The following AARS2 variants were observed in gnomAD, a reference collection of about 807,000 sequenced individuals.
AARS2 encodes alanine--tRNA ligase, mitochondrial.
A neutral mutation model predicts 119.7 loss-of-function variants in AARS2; 78 were observed. The ratio of observed to expected loss-of-function variants is 0.65; its 90% CI spans 0.54 to 0.79. The LOEUF (loss-of-function observed/expected upper bound fraction) is 0.79. Among genes scored for constraint, AARS2 ranks in the 30% least tolerant of loss-of-function variants. The pLI is 0.00. For missense variants in AARS2, 1,157 were observed against 1,291.3 expected (o/e 0.90, Z 1.59); for synonymous variants, 502 against 526.3 (o/e 0.95, Z 0.63).
At chr6:44,311,214 A>C (rs1281460645) in intron 3 of AARS2, 53 bp from the exon 4 acceptor site, 1 of 1,608,268 alleles carries the variant, frequency 6.2e-7, no homozygotes, top group Non-Finnish European at 8.5e-7. Context: ...AGAAGCTGGG[A>C]CTCTCTCTGC....
chr6:44,307,857 G>A lies in AARS2; in HGVS notation c.895-463C>T, dbSNP rs1185406202. 6.6e-6 allele frequency among the ~76,000 whole-genome samples: 1 copy of A among 152,180 alleles called. No homozygotes were observed. Among genetic ancestry groups the A allele is most frequent in the Non-Finnish European group, 1.5e-5 (1 of 68,028 alleles). ...TTCTTGCCTCTCCCATCTTTTGTGG[G>A]GGTGGGCAGGGAGGGAGAGTGTAAG... On this transcript the variant is annotated intron_variant, in intron 5 of 21. Transcript: ENST00000244571. The surrounding 1 kb of genome is among the most constrained non-coding windows in gnomAD (Gnocchi z 4.4).
At position 44,304,126 on chromosome 6, in the gene AARS2, C is replaced by T. The variant is rs1462902331; in HGVS notation, c.2007+55G>A. ...GGGCAACCCGCTCACAGCAGGCTGT[C>T]TCTCTTTTATGCCTGTCACCTCACA... On this transcript the variant is annotated intron_variant, in intron 14 of 21. Transcript: ENST00000244571. 27 of 1,609,966 alleles carry T rather than the reference C, an allele frequency of 1.7e-5. No homozygotes were observed. In the Admixed American group the frequency reaches 2.5e-4, roughly 15 times the overall value.
At position 44,302,888 on chromosome 6, in the gene AARS2, C is replaced by T. The variant is rs544243571; in HGVS notation, c.2278G>A (p.Val760Ile). The change falls in exon 17 of 22, where the codon GTA (valine) becomes ATA (isoleucine). Residue 760 changes from valine to isoleucine, a missense_variant. Val to Ile is a conservative substitution (Grantham distance 29). Coordinates refer to ENST00000244571, the MANE Select transcript of AARS2 (RefSeq NM_020745.4). ...TCCCCGATGATAACCAGGTCCCCTA[C>T]AGCCCCAGTACGTAACAGGTGCCTG... The part of the protein sequence containing the change: ...CGTHLLRTGA[V>I]GDLVIIGDRQ... 3 of 1,614,054 alleles carry T rather than the reference C, an allele frequency of 1.9e-6. No individual in the cohort carries two copies. Among genetic ancestry groups the T allele is most frequent in the African/African-American group, 2.7e-5 (2 of 74,942 alleles).
chr6:44,300,394 G>C lies in AARS2; in HGVS notation c.*153C>G. 9.2e-7 allele frequency: 1 copy of C among 1,083,266 alleles called. No homozygotes were observed. The highest frequency in any genetic ancestry group is 1.4e-6 in the Non-Finnish European group (1 of 721,116). 67.1% of individuals were successfully genotyped at this position (1,083,266 alleles called of 1,614,324 possible). ...CCTTCCCTAGCCCATGTCTCCTTGT[G>C]TCACGTAGGCCCTGGCCCAGGTGAT... On this transcript the variant is annotated 3_prime_UTR_variant, in exon 22 of 22. Transcript: ENST00000244571.
At chr6:44,309,339 C>T (rs1370132637) in intron 5 of AARS2, among the ~76,000 whole-genome samples, 7 of 152,216 alleles carry the variant, frequency 4.6e-5, no homozygotes, top group Non-Finnish European at 8.8e-5. Flanking sequence ...AATGAGCTCA[C>T]ACAAGACCAA....
Position 44,313,324 on chromosome 6 carries a change from C to G in AARS2, c.-1G>C, listed in dbSNP as rs369453852. Reference sequence around the variant, plus strand: ...CTGCAGCTGCCACTGACGCTGCCATCGTAGCTCCGGGCAGTGACTTTACGT... The same window carrying G: ...CTGCAGCTGCCACTGACGCTGCCATGGTAGCTCCGGGCAGTGACTTTACGT... On this transcript the variant is annotated 5_prime_UTR_variant, in exon 1 of 22. Transcript: ENST00000244571. 416 of 1,600,900 alleles carry G rather than the reference C, an allele frequency of 2.6e-4. No homozygotes were observed. The African/African-American group carries it at 4.8e-3, about 18-fold the overall frequency.
At position 44,304,426 on chromosome 6, in the gene AARS2, C is replaced by T. The variant is rs1317704083; in HGVS notation, c.1860G>A (p.Val620=). The T allele has an allele frequency of 6.2e-7, 1 of 1,614,162 alleles. No homozygotes were observed. Residue 620 remains valine, a synonymous_variant, in exon 13 of 22, where the codon GTG becomes GTA. Transcript: ENST00000244571. ...AGTTAGGGAGGATCCTTACCTCATCCACATGCAGCTGCACCTGGTCCCCTA... is the reference window on the plus strand; with the variant it reads ...AGTTAGGGAGGATCCTTACCTCATCTACATGCAGCTGCACCTGGTCCCCTA... The part of the protein sequence containing the change: ...LRLGDQVQLH[V]DEAWRLGCMA...
chr6:44,302,524 G>T lies in AARS2; in HGVS notation c.2365-11C>A, dbSNP rs567232000. The T allele has an allele frequency of 1.2e-4, 193 of 1,613,944 alleles. 2 individuals carry two copies. The South Asian group carries it at 1.9e-3, about 16-fold the overall frequency. On this transcript the variant is annotated splice_polypyrimidine_tract_variant and intron_variant, in intron 17 of 21. Transcript: ENST00000244571. ...GCCTAGCTCTCGGGCCTGCAGGGAGGGGACAGGAGGGTCAGGATTACATTC... is the reference window on the plus strand; with the variant it reads ...GCCTAGCTCTCGGGCCTGCAGGGAGTGGACAGGAGGGTCAGGATTACATTC...
chr6:44,310,634 A>C (rs937262413), intron 4 of AARS2, among the ~76,000 whole-genome samples, 191 bp from the exon 5 acceptor site: 2 of 152,216 alleles, frequency 1.3e-5, no homozygotes, highest in South Asian at 4.1e-4. Context: ...CCTTCCTCAT[A>C]TAGGGCTATT....
In AARS2 at chr6:44,304,445, TCCCCTAA is replaced by T. The variant is rs1483424237; in HGVS notation, c.1834_1840del (p.Leu612ThrfsTer13). ...CTCATCCACATGCAGCTGCACCTGG[TCCCCTAA>T]CCGCAGGCACTCAGGGGCTACTGCC... On this transcript the variant is annotated frameshift_variant, in exon 13 of 22. Transcript: ENST00000244571. LOFTEE classifies it high-confidence loss of function. 6.2e-7 allele frequency: 1 copy of T among 1,614,108 alleles called. No individual in the cohort carries two copies. Among genetic ancestry groups the T allele is most frequent in the South Asian group, 1.1e-5 (1 of 91,078 alleles).
At chr6:44,302,751 G>A (rs774053095) in intron 17 of AARS2, 51 bp downstream of exon 17, 4 of 1,560,118 alleles carry the variant, frequency 2.6e-6, no homozygotes, top group Non-Finnish European at 2.6e-6. Context: ...ACCTGCGTGT[G>A]TCCCATGCAC....
rs565956631 is a variant in AARS2 at position 44,304,968 on chromosome 6, T to C, written c.1579+86A>G. 53 of 1,610,922 alleles carry C rather than the reference T, an allele frequency of 3.3e-5. 1 individual carries two copies. In the South Asian group the frequency reaches 4.6e-4, roughly 14 times the overall value. ...CCTGGTGGCCATCCTGGGGAATACATAGGGGCTAGCAGCAACCATCTTGGA... is the reference window on the plus strand; with the variant it reads ...CCTGGTGGCCATCCTGGGGAATACACAGGGGCTAGCAGCAACCATCTTGGA... On this transcript the variant is annotated intron_variant, in intron 11 of 21. Coordinates refer to ENST00000244571, the MANE Select transcript of AARS2 (RefSeq NM_020745.4).
chr6:44,310,173 A>T, intron 5 of AARS2, 126 bp downstream of exon 5: 1 of 1,325,488 alleles, frequency 7.5e-7, no homozygotes. Context: ...ACGTCTTGGA[A>T]TTCTTGGTTG....
Position 44,307,572 on chromosome 6 carries a change from C to G in AARS2, c.895-178G>C. The G allele has an allele frequency of 1.4e-6, 1 of 739,102 alleles. No homozygotes were observed. The highest frequency in any genetic ancestry group is 1.8e-5 in the South Asian group (1 of 55,816). 45.8% of individuals were successfully genotyped at this position (739,102 alleles called of 1,614,324 possible). On this transcript the variant is annotated intron_variant, in intron 5 of 21. Transcript: ENST00000244571. The surrounding 1 kb of genome is among the most constrained non-coding windows in gnomAD (Gnocchi z 4.4). ...GAGCACAAGCCAGGCCCTGCCCTCA[C>G]GGGGCTCATATTTGGTGCTACAAGT...
rs562829310 is a variant in AARS2 at position 44,313,284 on chromosome 6, GCCGCAGCCT to G, written c.31_39del (p.Leu12_Arg14del). 309 of 1,598,626 alleles carry G rather than the reference GCCGCAGCCT, an allele frequency of 1.9e-4. No homozygotes were observed. The African/African-American group carries it at 3.8e-3, about 20-fold the overall frequency. ...CATGCGGGCGACCTTCGAATGGCCC[GCCGCAGCCT>G]CCGGGCTGCAGCTGCCACTGACGCT... On this transcript the variant is annotated inframe_deletion, in exon 1 of 22. Coordinates refer to ENST00000244571, the MANE Select transcript of AARS2 (RefSeq NM_020745.4).
chr6:44,311,432 A>G lies in AARS2; in HGVS notation c.539T>C (p.Leu180Pro), dbSNP rs2153357304. 6.2e-7 allele frequency: 1 copy of G among 1,614,174 alleles called. No individual in the cohort carries two copies. Among genetic ancestry groups the G allele is most frequent in the Non-Finnish European group, 8.5e-7 (1 of 1,180,020 alleles). ...GTCCCTGGTCTCCAGGTCTGGGTCC[A>G]GCCCTGCCTTGGGGTCACCATCAAA... is the stretch of plus-strand genomic sequence containing the variant. The part of the protein sequence containing the change: ...SYFDGDPKAG[L>P]DPDLETRDIW... Residue 180 changes from leucine (L) to proline (P), a missense_variant, in exon 3 of 22, where the codon CTG becomes CCG. Leu to Pro is a moderately conservative substitution (Grantham distance 98). Transcript: ENST00000244571.
chr6:44,309,395 A>T (rs1047427853), intron 5 of AARS2, among the ~76,000 whole-genome samples: 1 of 152,206 alleles, frequency 6.6e-6, no homozygotes, highest in Non-Finnish European at 1.5e-5. Context: ...TCACAGACTC[A>T]GGGGGCAGAT....
chr6:44,309,485 C>T (rs1267019612), intron 5 of AARS2, among the ~76,000 whole-genome samples: 1 of 152,220 alleles, frequency 6.6e-6, no homozygotes, highest in Non-Finnish European at 1.5e-5. Context: ...TACTATATCC[C>T]ATGGGATTCT....
In AARS2 at chr6:44,311,516, G is replaced by T; in HGVS notation, c.455C>A (p.Ala152Asp). The T allele has an allele frequency of 6.2e-7, 1 of 1,613,434 alleles. No homozygotes were observed. Among genetic ancestry groups the T allele is most frequent in the South Asian group, 1.1e-5 (1 of 91,066 alleles). ...ATAGACCTGAGTCAGCAGTTCCCAG[G>T]CCATGTTACAAGCCTCCTCCTGCAG... ...EYFKEEACNM[A>D]WELLTQVYGI... Residue 152 changes from alanine (A) to aspartate (D), a missense_variant, in exon 3 of 22, where the codon GCC (alanine) becomes GAC (aspartate). Coordinates refer to ENST00000244571, the MANE Select transcript of AARS2 (RefSeq NM_020745.4).
Sources: gnomAD v4.1 joint callset for allele counts (sites outside exome capture counted in the v4.1 genomes callset) on GRCh38, gnomAD v4.1.1 for gene constraint, Gnocchi (gnomAD v3.1) non-coding constraint, MANE v1.5 for transcripts, NCBI Gene and HGNC (gene_info 2026-07-23, HGNC 2026-07-21) for gene names.